Variants in CORO2B observed in about 807,000 individuals in gnomAD.
CORO2B encodes coronin-2B.
In CORO2B, 26 loss-of-function variants were observed where a neutral mutation model predicts 58.8. The ratio of observed to expected loss-of-function variants is 0.44; its 90% CI spans 0.32 to 0.61. The LOEUF is 0.61. Ranked by LOEUF, CORO2B falls within the 20% of genes least tolerant of loss-of-function variation. The pLI is 0.04. For synonymous variants in CORO2B, 242 were observed against 253.8 expected, an observed-to-expected ratio of 0.95 and a Z score of 0.44; for missense variants, 460 against 645.1, an observed-to-expected ratio of 0.71 and a Z score of 3.11.
At position 68,708,357 on chromosome 15, in the gene CORO2B, C is replaced by CTTTTTTT. The variant is rs921103212; in HGVS notation, c.334-2360_334-2354dup. Among the ~76,000 whole-genome samples, 197 of 114,952 alleles carry CTTTTTTT rather than the reference C, an allele frequency of 1.7e-3. 4 individuals are homozygous for CTTTTTTT. The highest frequency in any genetic ancestry group is 5.8e-3 in the African/African-American group (186 of 32,338). The allele number at this position is 114,952 out of a possible 152,430, so 75.4% of individuals were successfully genotyped here. A position where few individuals can be genotyped will look rare whatever the true frequency, so the allele number is the denominator to read the frequency against. On this transcript the variant is annotated intron_variant, in intron 3 of 11. Coordinates refer to ENST00000261861, the MANE Select transcript of CORO2B (RefSeq NM_006091.5). Reference sequence around the variant, plus strand: ...CTGCCTTTGGCTTTCTTTTTTTCTTCTTTTTTTTTTTTTTTTTTTTTGAGA... The same window carrying CTTTTTTT: ...CTGCCTTTGGCTTTCTTTTTTTCTTCTTTTTTTTTTTTTTTTTTTTTTTTTTTTGAGA...
chr15:68,538,906 C>T, the CORO2B span, among the ~76,000 whole-genome samples: 1 of 152,188 alleles, frequency 6.6e-6, no homozygotes, highest in Non-Finnish European at 1.5e-5. Context: ...ATCTTCATTT[C>T]TAAGAGGTCA....
chr15:68,629,009 T>C (rs1566989419), intron 1 of CORO2B, among the ~76,000 whole-genome samples: 1 of 152,208 alleles, frequency 6.6e-6, no homozygotes, highest in Non-Finnish European at 1.5e-5. Context: ...TGAATTGTAA[T>C]TGGACAGCAG....
At chr15:68,706,886 C>A (rs981989727) in intron 3 of CORO2B, among the ~76,000 whole-genome samples, 1 of 151,992 alleles carries the variant, frequency 6.6e-6, no homozygotes, top group South Asian at 2.1e-4. Context: ...TAATTTTTTC[C>A]TTTTTTGTAA....
At chr15:68,604,229 C>T (rs1375706198) in intron 1 of CORO2B, among the ~76,000 whole-genome samples, 1 of 152,138 alleles carries the variant, frequency 6.6e-6, no homozygotes, top group Non-Finnish European at 1.5e-5. Flanking sequence ...CTCCAGGGCT[C>T]CAGCATTGCT....
At position 68,710,486 on chromosome 15, in the gene CORO2B, A is replaced by G. The variant is rs993591856; in HGVS notation, c.334-246A>G. 6.6e-6 allele frequency among the ~76,000 whole-genome samples: 1 copy of G among 152,202 alleles called. No individual in the cohort carries two copies. The highest frequency in any genetic ancestry group is 2.4e-5 in the African/African-American group (1 of 41,456). On this transcript the variant is annotated intron_variant, in intron 3 of 11. Coordinates refer to ENST00000261861, the MANE Select transcript of CORO2B (RefSeq NM_006091.5). The surrounding 1 kb of genome is among the most constrained non-coding windows in gnomAD (Gnocchi z 4.1). ...GCAGTAGCAACATGCCAGTAATAACAGTTCTTAGGTCTGCAGAGACTTCCC... is the reference window on the plus strand; with the variant it reads ...GCAGTAGCAACATGCCAGTAATAACGGTTCTTAGGTCTGCAGAGACTTCCC...
intron 8 of CORO2B, among the ~76,000 whole-genome samples, chr15:68,717,832 T>C (rs1466561714): frequency 6.6e-6 from 1 of 152,222 alleles, no homozygotes; most frequent in Non-Finnish European, 1.5e-5. Flanking sequence ...TTAACTCATA[T>C]TCACAATACA....
chr15:68,657,517 C>CAA (rs373642309), intron 2 of CORO2B, among the ~76,000 whole-genome samples: 38,909 of 86,468 alleles, frequency 0.45, 7,983 homozygotes, highest in Non-Finnish European at 0.54. Context: ...GATCCTGTCT[C>CAA]AAAAAAAAAA....
intron 2 of CORO2B, among the ~76,000 whole-genome samples, chr15:68,686,841 G>T (rs77601432): frequency 6.6e-6 from 1 of 151,568 alleles, no homozygotes; most frequent in Non-Finnish European, 1.5e-5. Flanking sequence ...GGAGGTCACC[G>T]TGAGCCAAGA....
intron 2 of CORO2B, among the ~76,000 whole-genome samples, chr15:68,661,507 G>T (rs954188407): frequency 5.3e-5 from 8 of 152,174 alleles, no homozygotes; most frequent in Non-Finnish European, 1.0e-4. Context: ...CTACCAGCTG[G>T]TGTTAATCTT....
intron 3 of CORO2B, among the ~76,000 whole-genome samples, chr15:68,706,857 G>A (rs1164026889): frequency 6.6e-6 from 1 of 152,102 alleles, no homozygotes; most frequent in Admixed American, 6.5e-5. Context: ...GACTACAGGA[G>A]CATGCCACCA....
At chr15:68,599,227 C>T (rs190962563) in intron 1 of CORO2B, among the ~76,000 whole-genome samples, 4 of 152,320 alleles carry the variant, frequency 2.6e-5, no homozygotes, top group Admixed American at 1.3e-4. Context: ...CTTCTCTGAT[C>T]TCTCCTTGCT....
chr15:68,698,846 T>C (rs970249053), intron 3 of CORO2B, among the ~76,000 whole-genome samples: 1 of 152,054 alleles, frequency 6.6e-6, no homozygotes, highest in Non-Finnish European at 1.5e-5. Flanking sequence ...GAAACACCCC[T>C]AGTAGAGGCG....
chr15:68,602,384 G>T (rs16952295), intron 1 of CORO2B, among the ~76,000 whole-genome samples: 9,072 of 149,406 alleles, frequency 0.061, 895 homozygotes, highest in African/African-American at 0.21. Flanking sequence ...GAGATATTTG[G>T]TCCTGCCCAA....
chr15:68,647,855 A>AT (rs1385644305), intron 2 of CORO2B, among the ~76,000 whole-genome samples: 1 of 13,274 alleles, frequency 7.5e-5, no homozygotes, highest in African/African-American at 1.6e-4. Context: ...GTTTCTACAA[A>AT]TTAAAAAAAA....
At chr15:68,547,810 C>A in the CORO2B span, among the ~76,000 whole-genome samples, 2 of 152,176 alleles carry the variant, frequency 1.3e-5, no homozygotes, top group African/African-American at 2.4e-5. Flanking sequence ...ATATTAAATA[C>A]TATTTTCAAT....
intron 2 of CORO2B, among the ~76,000 whole-genome samples, chr15:68,646,398 A>C (rs947148807): frequency 6.6e-6 from 1 of 152,148 alleles, no homozygotes; most frequent in Non-Finnish European, 1.5e-5. Context: ...GAAGAGGTGC[A>C]TGTGGAAGGA....
At chr15:68,594,489 G>T (rs970973515) in intron 1 of CORO2B, among the ~76,000 whole-genome samples, 6 of 152,338 alleles carry the variant, frequency 3.9e-5, no homozygotes, top group Admixed American at 3.9e-4. Flanking sequence ...CCATGGCCTG[G>T]TGAACACTAA....
At chr15:68,569,597 C>T in the CORO2B span, among the ~76,000 whole-genome samples, 1 of 152,242 alleles carries the variant, frequency 6.6e-6, no homozygotes, top group African/African-American at 2.4e-5. Flanking sequence ...CTACTGAAAA[C>T]ATCTGTGTGC....
At chr15:68,703,534 G>T (rs753658680) in intron 3 of CORO2B, among the ~76,000 whole-genome samples, 4 of 152,110 alleles carry the variant, frequency 2.6e-5, no homozygotes, top group Admixed American at 6.6e-5. Context: ...GCTACTAAGG[G>T]GTTAGATATC....
Sources: gnomAD v4.1 joint callset for allele counts (sites outside exome capture counted in the v4.1 genomes callset) on GRCh38, gnomAD v4.1.1 for gene constraint, Gnocchi (gnomAD v3.1) non-coding constraint, MANE v1.5 for transcripts, NCBI Gene and HGNC (gene_info 2026-07-23, HGNC 2026-07-21) for gene names.